Variants in NCS1 observed in about 807,000 individuals in gnomAD.
NCS1 encodes frequenin homolog.
A neutral mutation model predicts 28.4 loss-of-function variants in NCS1; 6 were observed. The ratio of observed to expected loss-of-function variants is 0.21; its 90% CI spans 0.12 to 0.42. The LOEUF (loss-of-function observed/expected upper bound fraction) is 0.42. Among genes scored for constraint, NCS1 ranks in the 10% least tolerant of loss-of-function variants. NCS1 has a pLI of 1.00. For synonymous variants in NCS1, 86 were observed against 99.3 expected, an observed-to-expected ratio of 0.87 and a Z score of 0.79; for missense variants, 131 against 241.4, an observed-to-expected ratio of 0.54 and a Z score of 3.03.
Position 130,191,133 on chromosome 9 carries a change from C to T in NCS1, c.65-9825C>T, listed in dbSNP as rs531872354. On this transcript the variant is annotated intron_variant, in intron 1 of 7. Coordinates refer to ENST00000372398, the MANE Select transcript of NCS1 (RefSeq NM_014286.4). The surrounding 1 kb of genome is among the most constrained non-coding windows in gnomAD (Gnocchi z 6.4). ...GTATCCTCTCGTTGGCCCCTGACAG[C>T]GGGGCAGGGAGCACGCTGACCCAGG... Among the ~76,000 whole-genome samples, 18 of 152,302 alleles carry T rather than the reference C, an allele frequency of 1.2e-4. No homozygotes were observed. In the East Asian group the frequency reaches 1.9e-3, roughly 16 times the overall value.
chr9:130,197,909 G>T (rs1554907006), intron 1 of NCS1, among the ~76,000 whole-genome samples: 2 of 149,918 alleles, frequency 1.3e-5, no homozygotes, highest in African/African-American at 4.9e-5. Flanking sequence ...AGGTTGCAGT[G>T]AGCCAAGATA....
At position 130,185,942 on chromosome 9, in the gene NCS1, C is replaced by T. The variant is rs191945280; in HGVS notation, c.64+13215C>T. Among the ~76,000 whole-genome samples the T allele has an allele frequency of 4.3e-3, 652 of 152,356 alleles. 4 individuals carry two copies. Among genetic ancestry groups the T allele is most frequent in the African/African-American group, 0.015 (605 of 41,580 alleles). ...AAGAGCAGCTGTCAAAATCGCTGAG[C>T]GAAGCCTGCCTAGGTGCCCCGGCCA... On this transcript the variant is annotated intron_variant, in intron 1 of 7. Coordinates refer to ENST00000372398, the MANE Select transcript of NCS1 (RefSeq NM_014286.4).
At chr9:130,216,961 T>C (rs201078517) in intron 2 of NCS1, among the ~76,000 whole-genome samples, 2 of 139,940 alleles carry the variant, frequency 1.4e-5, no homozygotes, top group South Asian at 4.4e-4. Flanking sequence ...AGTTTGTGAA[T>C]TGGGTTTAGA....
At chr9:130,173,208 G>A (rs1043666931) in intron 1 of NCS1, among the ~76,000 whole-genome samples, 6 of 151,852 alleles carry the variant, frequency 4.0e-5, no homozygotes, top group Non-Finnish European at 7.4e-5. Flanking sequence ...GTGGGGGGGG[G>A]GGTGGCGAGA....
At chr9:130,223,989 G>A (rs1554910999) in intron 6 of NCS1, among the ~76,000 whole-genome samples, 1 of 151,842 alleles carries the variant, frequency 6.6e-6, no homozygotes, top group Non-Finnish European at 1.5e-5. Flanking sequence ...TGGGACTACA[G>A]GCGCATGCCA....
rs1232779931 is a variant in NCS1 at position 130,226,516 on chromosome 9, C to T, written c.*17+12C>T. The T allele has an allele frequency of 3.1e-6, 5 of 1,593,148 alleles. No homozygotes were observed. In the African/African-American group the frequency reaches 5.4e-5, roughly 17 times the overall value. ...CAGGCTGGAGCTGGGTGAGTGCAGA[C>T]TCGGGGCCTGGGGTGGGTCTGGGAT... On this transcript the variant is annotated intron_variant, in intron 7 of 7. Coordinates refer to ENST00000372398, the MANE Select transcript of NCS1 (RefSeq NM_014286.4). This position sits in a 1 kb window ranked among gnomAD's most constrained non-coding sequence, Gnocchi z 4.8.
intron 2 of NCS1, among the ~76,000 whole-genome samples, chr9:130,205,417 A>G (rs1291517678): frequency 6.6e-6 from 1 of 151,696 alleles, no homozygotes; most frequent in African/African-American, 2.4e-5. Context: ...TTAGGGATGC[A>G]CCTATAGTCC....
intron 1 of NCS1, among the ~76,000 whole-genome samples, chr9:130,199,897 G>GTTCATTCATTCATTCATTCA (rs71499223): frequency 3.7e-3 from 554 of 150,622 alleles, no homozygotes; most frequent in African/African-American, 4.4e-3. Flanking sequence ...CTGTTCATGT[G>GTTCATTCATTCATTCATTCA]TTCATTCATT....
rs534791757 is a variant in NCS1, at chr9:130,205,260, A to G, written c.89+4278A>G. On this transcript the variant is annotated intron_variant, in intron 2 of 7. Transcript: ENST00000372398. ...GGGGGACACGAGCCTGGCGAATTAG[A>G]GGACCAGCAGGGAGCCAAGGAGGCT... Among the ~76,000 whole-genome samples, 3 of 152,240 alleles carry G rather than the reference A, an allele frequency of 2.0e-5. No individual in the cohort carries two copies. In the South Asian group the frequency reaches 6.2e-4, roughly 32 times the overall value.
At chr9:130,173,797 A>T (rs1255782676) in intron 1 of NCS1, among the ~76,000 whole-genome samples, 3 of 152,140 alleles carry the variant, frequency 2.0e-5, no homozygotes, top group African/African-American at 7.2e-5. Context: ...CTGGGGAGGC[A>T]GCTCCTGGTG....
In NCS1 at chr9:130,215,341, C is replaced by T. The variant is rs1475428114; in HGVS notation, c.90-2491C>T. 6.6e-6 allele frequency among the ~76,000 whole-genome samples: 1 copy of T among 152,148 alleles called. No individual in the cohort carries two copies. The highest frequency in any genetic ancestry group is 1.5e-5 in the Non-Finnish European group (1 of 68,038). ...ACGGGGGTGGCTGTGTCCCTTCCTC[C>T]TGCTGTGGGAAGGGACTTGAGATCC... On this transcript the variant is annotated intron_variant, in intron 2 of 7. Transcript: ENST00000372398. This position sits in a 1 kb window ranked among gnomAD's most constrained non-coding sequence, Gnocchi z 4.2.
intron 1 of NCS1, among the ~76,000 whole-genome samples, chr9:130,182,761 C>T (rs1832679199): frequency 6.6e-6 from 1 of 152,248 alleles, no homozygotes; most frequent in South Asian, 2.1e-4. Context: ...ACGGTGCTGG[C>T]ACCACCCCTG....
chr9:130,188,117 A>G (rs970272376), intron 1 of NCS1, among the ~76,000 whole-genome samples: 2 of 152,204 alleles, frequency 1.3e-5, no homozygotes, highest in Non-Finnish European at 2.9e-5. Flanking sequence ...GTGCTGTGAC[A>G]CCTATATTAA....
chr9:130,227,911 A>G (rs529164826), intron 7 of NCS1, among the ~76,000 whole-genome samples: 3 of 152,174 alleles, frequency 2.0e-5, no homozygotes, highest in Admixed American at 6.6e-5. Flanking sequence ...GAAACTTCTC[A>G]GTCCCGGGAA....
At position 130,234,945 on chromosome 9, in the gene NCS1, T is replaced by A. The variant is rs1833558843; in HGVS notation, c.*1973T>A. ...TGTTTTAGAGGGGACACTTTGGTCC[T>A]CGGTTCCCACCCTCAGCAAGCAGGC... On this transcript the variant is annotated 3_prime_UTR_variant, in exon 8 of 8. Coordinates refer to ENST00000372398, the MANE Select transcript of NCS1 (RefSeq NM_014286.4). The surrounding 1 kb of genome is among the most constrained non-coding windows in gnomAD (Gnocchi z 6.1). 1 of 152,248 alleles carries A rather than the reference T, an allele frequency of 6.6e-6. No individual in the cohort carries two copies. The highest frequency in any genetic ancestry group is 1.5e-5 in the Non-Finnish European group (1 of 68,114). 9.4% of individuals were successfully genotyped at this position (152,248 alleles called of 1,614,324 possible). A position where few individuals can be genotyped will look rare whatever the true frequency, so the allele number is the denominator to read the frequency against.
intron 2 of NCS1, 59 bp from the exon 3 acceptor site, chr9:130,217,773 G>A (rs1282566510): frequency 1.2e-6 from 2 of 1,611,020 alleles, no homozygotes; most frequent in East Asian, 2.2e-5. Flanking sequence ...CGATGTTGGT[G>A]GTGGGTGGGT....
In NCS1 at chr9:130,236,628, C is replaced by A. The variant is rs1833599179; in HGVS notation, c.*3656C>A. ...GAATAAAAGGCTTTTGTTGAATAAACAGCTGGTCCCATCTTCTGTCTTGGC... is the reference window on the plus strand; with the variant it reads ...GAATAAAAGGCTTTTGTTGAATAAAAAGCTGGTCCCATCTTCTGTCTTGGC... On this transcript the variant is annotated 3_prime_UTR_variant, in exon 8 of 8. Transcript: ENST00000372398. 6.7e-6 allele frequency: 1 copy of A among 149,308 alleles called. No homozygotes were observed. Among genetic ancestry groups the A allele is most frequent in the South Asian group, 2.2e-4 (1 of 4,622 alleles). The allele number at this position is 149,308 out of a possible 1,614,324, so 9.2% of individuals were successfully genotyped here. A position where few individuals can be genotyped will look rare whatever the true frequency, so the allele number is the denominator to read the frequency against.
intron 1 of NCS1, among the ~76,000 whole-genome samples, 193 bp from the exon 2 acceptor site, chr9:130,200,764 TG>T (rs1832934234): frequency 6.6e-6 from 1 of 152,116 alleles, no homozygotes; most frequent in Non-Finnish European, 1.5e-5. Context: ...TGTCCCCTGC[TG>T]GGGTGGTGGG....
intron 2 of NCS1, among the ~76,000 whole-genome samples, chr9:130,204,461 T>TA (rs1554907832): frequency 6.6e-6 from 1 of 152,042 alleles, no homozygotes; most frequent in Non-Finnish European, 1.5e-5. Context: ...GCTAGTTATT[T>TA]AAAAAATTTT....
Sources: allele counts gnomAD v4.1 joint callset (sites outside exome capture counted in the v4.1 genomes callset), GRCh38; gene constraint gnomAD v4.1.1; non-coding constraint Gnocchi (gnomAD v3.1); transcripts MANE v1.5; gene names NCBI Gene and HGNC (gene_info 2026-07-23, HGNC 2026-07-21).